The following PIP5K1A variants were observed in gnomAD, a reference collection of about 807,000 sequenced individuals.
PIP5K1A encodes phosphatidylinositol-4-phosphate 5-kinase type 1 alpha, also known as phosphatidylinositol 4-phosphate 5-kinase type-1 alpha.
PIP5K1A carries 46 observed loss-of-function variants against 72.9 expected under a neutral mutation model. The ratio of observed to expected loss-of-function variants is 0.63; its 90% CI spans 0.50 to 0.81. The LOEUF is 0.81. Ranked by LOEUF, PIP5K1A falls within the 30% of genes least tolerant of loss-of-function variation. The pLI, the probability that PIP5K1A is intolerant of heterozygous loss-of-function variation, is 0.00. For synonymous variants in PIP5K1A, 228 were observed against 255.1 expected, an observed-to-expected ratio of 0.89 and a Z score of 1.01; for missense variants, 458 against 706.1, an observed-to-expected ratio of 0.65 and a Z score of 3.98.
intron 1 of PIP5K1A, among the ~76,000 whole-genome samples, chr1:151,220,253 C>G (rs899335959): frequency 2.6e-5 from 4 of 152,100 alleles, no homozygotes; most frequent in African/African-American, 9.7e-5. Context: ...ATATGCCCAC[C>G]TTGGCCTCCC....
In PIP5K1A at chr1:151,231,775, C is replaced by T. The variant is rs1396564207; in HGVS notation, c.342C>T (p.Tyr114=). The T allele has an allele frequency of 3.1e-6, 5 of 1,613,778 alleles. No individual in the cohort carries two copies. The highest frequency in any genetic ancestry group is 2.2e-5 in the South Asian group (2 of 91,086). The part of the protein sequence containing the change: ...PERDVLMQDF[Y]VVESIFFPSE... ...GTGATGTCCTCATGCAAGATTTCTACGTGGTTGAGAGTATCTTCTTTCCCA... is the reference window on the plus strand; with the variant it reads ...GTGATGTCCTCATGCAAGATTTCTATGTGGTTGAGAGTATCTTCTTTCCCA... Residue 114 remains tyrosine (Y), a synonymous_variant, in exon 5 of 16, where the codon TAC becomes TAT. Coordinates refer to ENST00000368888, the MANE Select transcript of PIP5K1A (RefSeq NM_001135638.2).
rs931265534 is a variant in PIP5K1A at position 151,198,698 on chromosome 1, G to A, written c.-299G>A. 2 of 452,692 alleles carry A rather than the reference G, an allele frequency of 4.4e-6. No individual in the cohort carries two copies. Among genetic ancestry groups the A allele is most frequent in the African/African-American group, 3.9e-5 (2 of 51,276 alleles). The allele number at this position is 452,692 out of a possible 1,614,324, so 28.0% of individuals were successfully genotyped here. A position where few individuals can be genotyped will look rare whatever the true frequency, so the allele number is the denominator to read the frequency against. ...AGATGTGGCTTGGTCTGGGCGCAAGGTCCCAGCAGCCAGCTTAAGCTTACT... is the reference window on the plus strand; with the variant it reads ...AGATGTGGCTTGGTCTGGGCGCAAGATCCCAGCAGCCAGCTTAAGCTTACT... On this transcript the variant is annotated 5_prime_UTR_variant, in exon 1 of 16. Transcript: ENST00000368888.
chr1:151,213,175 A>C (rs587655377), intron 1 of PIP5K1A, among the ~76,000 whole-genome samples: 91 of 152,212 alleles, frequency 6.0e-4, no homozygotes, highest in Admixed American at 9.2e-4. Flanking sequence ...AGGTGTGAGC[A>C]ACCGCGCCCG....
chr1:151,247,672 C>T (rs1262719709), intron 15 of PIP5K1A, among the ~76,000 whole-genome samples, 191 bp from the exon 16 acceptor site: 2 of 152,190 alleles, frequency 1.3e-5, no homozygotes, highest in Non-Finnish European at 2.9e-5. Flanking sequence ...GATCCACCTG[C>T]CTGGGCCTCC....
At chr1:151,238,950 CTG>C (rs1256767310) in intron 10 of PIP5K1A, among the ~76,000 whole-genome samples, 178 bp from the exon 11 acceptor site, 7 of 152,228 alleles carry the variant, frequency 4.6e-5, no homozygotes, top group Non-Finnish European at 8.8e-5. Context: ...ACATTGGTCT[CTG>C]TGATGAACCA....
At position 151,224,272 on chromosome 1, in the gene PIP5K1A, C is replaced by CA; in HGVS notation, c.114dup (p.Ser39IlefsTer2). 6.2e-7 allele frequency: 1 copy of CA among 1,613,122 alleles called. No individual in the cohort carries two copies. Among genetic ancestry groups the CA allele is most frequent in the South Asian group, 1.1e-5 (1 of 91,062 alleles). Reference sequence around the variant, plus strand: ...GCATCTGGAATCAAGAGACCCATGGCATCTGAGGTGAGTTTCATACTGATA... The same window carrying CA: ...GCATCTGGAATCAAGAGACCCATGGCAATCTGAGGTGAGTTTCATACTGATA... On this transcript the variant is annotated frameshift_variant, in exon 2 of 16. Transcript: ENST00000368888. LOFTEE classifies it high-confidence loss of function.
At position 151,220,320 on chromosome 1, in the gene PIP5K1A, A is replaced by T. The variant is rs587759726; in HGVS notation, c.86-3925A>T. On this transcript the variant is annotated intron_variant, in intron 1 of 15. Coordinates refer to ENST00000368888, the MANE Select transcript of PIP5K1A (RefSeq NM_001135638.2). ...CACCCGGCTTGCCTGTCTCTATTTT[A>T]AAAAAGCCAACTCAGATCAAGAATT... 6.6e-5 allele frequency among the ~76,000 whole-genome samples: 10 copies of T among 151,866 alleles called. No homozygotes were observed. In the South Asian group the frequency reaches 1.7e-3, roughly 25 times the overall value.
intron 12 of PIP5K1A, 138 bp from the exon 13 acceptor site, chr1:151,241,981 CCTGT>C: frequency 5.4e-6 from 4 of 745,556 alleles, no homozygotes; most frequent in Non-Finnish European, 9.2e-6. Flanking sequence ...AATTCATAGG[CCTGT>C]CTTTGTTGAC....
intron 8 of PIP5K1A, 108 bp from the exon 9 acceptor site, chr1:151,236,450 T>A (rs1333395581): frequency 2.8e-6 from 2 of 711,230 alleles, no homozygotes; most frequent in Admixed American, 2.5e-5. Flanking sequence ...CACTCTAGCC[T>A]GGGTTACAGA....
At chr1:151,223,143 G>A (rs1245728208) in intron 1 of PIP5K1A, among the ~76,000 whole-genome samples, 2 of 151,596 alleles carry the variant, frequency 1.3e-5, no homozygotes, top group East Asian at 3.9e-4. Flanking sequence ...CTGAGGTCAG[G>A]AATTCAAGAC....
intron 1 of PIP5K1A, among the ~76,000 whole-genome samples, chr1:151,209,340 G>A (rs1686441944): frequency 6.7e-6 from 1 of 150,326 alleles, no homozygotes; most frequent in East Asian, 2.0e-4. Flanking sequence ...GTGGCACGAT[G>A]CCATCTCACT....
At chr1:151,244,026 C>T (rs1692132568) in intron 14 of PIP5K1A, among the ~76,000 whole-genome samples, 1 of 151,836 alleles carries the variant, frequency 6.6e-6, no homozygotes, top group Admixed American at 6.6e-5. Flanking sequence ...ACTGAAAATA[C>T]TTGAGAGCCT....
chr1:151,224,182 G>T, intron 1 of PIP5K1A, 63 bp from the exon 2 acceptor site: 2 of 1,422,236 alleles, frequency 1.4e-6, no homozygotes, highest in Non-Finnish European at 2.0e-6. Context: ...GATGGTTTCA[G>T]TATGCTTGAC....
intron 1 of PIP5K1A, among the ~76,000 whole-genome samples, chr1:151,203,813 ACT>A (rs1479512365): frequency 6.7e-6 from 1 of 149,424 alleles, no homozygotes; most frequent in African/African-American, 2.5e-5. Flanking sequence ...ACAGAGTGAG[ACT>A]CTGTCTCAAA....
chr1:151,219,043 AT>A (rs1688022280), intron 1 of PIP5K1A, among the ~76,000 whole-genome samples: 2 of 152,172 alleles, frequency 1.3e-5, no homozygotes, highest in East Asian at 3.9e-4. Flanking sequence ...TTTTGTTCTA[AT>A]ATAAGTGGTT....
At chr1:151,247,646 G>A (rs1477299285) in intron 15 of PIP5K1A, among the ~76,000 whole-genome samples, 1 of 152,060 alleles carries the variant, frequency 6.6e-6, no homozygotes, top group Non-Finnish European at 1.5e-5. Context: ...GGATGGCCTC[G>A]ATCTCCTGAC....
At chr1:151,221,626 C>CA (rs34083285) in intron 1 of PIP5K1A, among the ~76,000 whole-genome samples, 1 of 151,990 alleles carries the variant, frequency 6.6e-6, no homozygotes, top group African/African-American at 2.4e-5. Context: ...TTTCCCTGCC[C>CA]AAAAAGATAA....
chr1:151,212,962 C>A (rs1687050708), intron 1 of PIP5K1A, among the ~76,000 whole-genome samples: 1 of 147,282 alleles, frequency 6.8e-6, no homozygotes, highest in South Asian at 2.1e-4. Context: ...GTGATCTCGG[C>A]TCACTGCAAA....
upstream of PIP5K1A, among the ~76,000 whole-genome samples, chr1:151,196,784 C>T (rs2101745916): frequency 6.6e-6 from 1 of 151,708 alleles, no homozygotes; most frequent in South Asian, 2.1e-4. Context: ...TGGTCTTGAA[C>T]TCCCGACCTC....
Sources: allele counts gnomAD v4.1 joint callset (sites outside exome capture counted in the v4.1 genomes callset), GRCh38; gene constraint gnomAD v4.1.1; transcripts MANE v1.5; gene names NCBI Gene and HGNC (gene_info 2026-07-23, HGNC 2026-07-21).